The following PCDHA4 variants were observed in gnomAD, a reference collection of about 807,000 sequenced individuals.
PCDHA4 encodes protocadherin alpha 4.
Under a neutral mutation model 61.4 loss-of-function variants are expected in PCDHA4, and 49 were observed. The observed-to-expected ratio is 0.80, with a 90% CI of 0.63 to 1.01. The LOEUF is 1.01. Among genes scored for constraint, PCDHA4 ranks in the 50% least tolerant of loss-of-function variants. The probability of loss-of-function intolerance (pLI) is 0.00; values close to 1 mark genes in which losing one functional copy is unlikely to be tolerated. For missense variants in PCDHA4, 1,254 were observed against 1,235.8 expected (o/e 1.01, Z -0.22); for synonymous variants, 590 against 550.3 (o/e 1.07, Z -1.01).
At chr5:140,955,381 T>TG (rs782287731) in intron 1 of PCDHA4, among the ~76,000 whole-genome samples, 4 of 152,136 alleles carry the variant, frequency 2.6e-5, no homozygotes, top group Non-Finnish European at 5.9e-5. Context: ...AATTGAATCA[T>TG]GGGGGCAATT....
chr5:140,885,925 T>A lies in PCDHA4; in HGVS notation c.2385+76353T>A, dbSNP rs1431219397. The stretch of plus-strand genomic sequence containing the variant: ...CTGTACCTTATAGATATTAACTGTT[T>A]ATCTATTTTTTGACATTTTTAATTA... On this transcript the variant is annotated intron_variant, in intron 1 of 3. Coordinates refer to ENST00000530339, the MANE Select transcript of PCDHA4 (RefSeq NM_018907.4). 2.0e-5 allele frequency among the ~76,000 whole-genome samples: 3 copies of A among 151,896 alleles called. No homozygotes were observed. In the East Asian group the frequency reaches 5.8e-4, roughly 29 times the overall value.
chr5:140,912,445 A>C (rs1165607499), intron 1 of PCDHA4, among the ~76,000 whole-genome samples: 1 of 151,772 alleles, frequency 6.6e-6, no homozygotes, highest in African/African-American at 2.4e-5. Flanking sequence ...ATTTGTGTGC[A>C]TTGATTTTGT....
At chr5:140,836,089 G>T in intron 1 of PCDHA4, 1 of 1,613,682 alleles carries the variant, frequency 6.2e-7, no homozygotes. Context: ...CTGGCGCCTC[G>T]GGTGGGTGGC....
intron 1 of PCDHA4, chr5:140,857,477 T>A (rs1562523780): frequency 1.3e-6 from 2 of 1,598,544 alleles, no homozygotes; most frequent in Admixed American, 1.7e-5. Context: ...CTTCACGGTG[T>A]CTGCGTGGGA....
chr5:140,961,970 G>A (rs1282918892), intron 1 of PCDHA4, among the ~76,000 whole-genome samples: 1 of 150,888 alleles, frequency 6.6e-6, no homozygotes, highest in Non-Finnish European at 1.5e-5. Flanking sequence ...TGCAACCTCC[G>A]CCTCCTGGGT....
intron 1 of PCDHA4, chr5:140,836,007 G>C: frequency 1.9e-6 from 3 of 1,613,296 alleles, no homozygotes; most frequent in Non-Finnish European, 2.5e-6. Context: ...CGATGCGGGC[G>C]TGCCGCCTCT....
intron 1 of PCDHA4, chr5:140,851,226 A>G (rs2041995732): frequency 3.5e-6 from 4 of 1,139,724 alleles, no homozygotes; most frequent in Non-Finnish European, 4.5e-6. Context: ...CATCACTATC[A>G]TTTATTTATT....
chr5:140,966,678 C>T, intron 1 of PCDHA4: 5 of 1,313,350 alleles, frequency 3.8e-6, no homozygotes, highest in South Asian at 3.6e-5. Context: ...CAGGGTGGCA[C>T]GAGCGGAGGC....
At position 141,009,997 on chromosome 5, in the gene PCDHA4, A is replaced by C; in HGVS notation, c.*60A>C. 1 of 1,576,442 alleles carries C rather than the reference A, an allele frequency of 6.3e-7. No individual in the cohort carries two copies. The highest frequency in any genetic ancestry group is 2.2e-5 in the East Asian group (1 of 44,650). On this transcript the variant is annotated 3_prime_UTR_variant, in exon 4 of 4. Transcript: ENST00000530339. ...TTTGTAATAATGGCAAATCTCTCCC[A>C]TGTAGCAATTCCCTGCTCCTTTTTC...
At chr5:140,941,194 T>TCTTC (rs781904538) in intron 1 of PCDHA4, among the ~76,000 whole-genome samples, 2 of 112,354 alleles carry the variant, frequency 1.8e-5, no homozygotes, top group Non-Finnish European at 3.8e-5. Context: ...TCTTTTTTTT[T>TCTTC]CTTTCTTCCT....
At chr5:140,836,123 T>C in intron 1 of PCDHA4, 1 of 1,613,656 alleles carries the variant, frequency 6.2e-7, no homozygotes, top group Non-Finnish European at 8.5e-7. Flanking sequence ...TGAGAGAGCT[T>C]GTGCCGCGGT....
intron 1 of PCDHA4, chr5:140,928,753 G>A (rs782483181): frequency 1.2e-6 from 2 of 1,614,142 alleles, no homozygotes; most frequent in Non-Finnish European, 8.5e-7. Flanking sequence ...GCTCCGTACT[G>A]CTCGCTTAGT....
rs2150347171 is a variant in PCDHA4, at chr5:140,842,877, C to T, written c.2385+33305C>T. On this transcript the variant is annotated intron_variant, in intron 1 of 3. Coordinates refer to ENST00000530339, the MANE Select transcript of PCDHA4 (RefSeq NM_018907.4). Reference sequence around the variant, plus strand: ...CACACGGAGAGCGGCAAGGTGTACGCGCTGCAGCCGCTGGACCACGAGGAG... The same window carrying T: ...CACACGGAGAGCGGCAAGGTGTACGTGCTGCAGCCGCTGGACCACGAGGAG... 18 of 1,593,980 alleles carry T rather than the reference C, an allele frequency of 1.1e-5. 2 individuals carry two copies. Among genetic ancestry groups the T allele is most frequent in the Non-Finnish European group, 1.5e-5 (18 of 1,165,432 alleles).
intron 1 of PCDHA4, among the ~76,000 whole-genome samples, chr5:140,945,375 C>T (rs1414758644): frequency 1.3e-4 from 20 of 152,006 alleles, no homozygotes; most frequent in African/African-American, 3.9e-4. Context: ...GTCCATATTA[C>T]CCAAAGCAAT....
At chr5:140,952,389 ACT>A (rs2094739055) in intron 1 of PCDHA4, among the ~76,000 whole-genome samples, 2 of 151,722 alleles carry the variant, frequency 1.3e-5, no homozygotes, top group African/African-American at 4.8e-5. Flanking sequence ...GGTACCCTAA[ACT>A]CATCATTCTC....
intron 3 of PCDHA4, among the ~76,000 whole-genome samples, chr5:141,000,393 C>CTATA (rs1563650230): frequency 1.3e-4 from 7 of 52,858 alleles, no homozygotes; most frequent in Admixed American, 2.8e-4. Context: ...CTCTCTCTCT[C>CTATA]TCTATATATA....
chr5:140,884,410 G>T, intron 1 of PCDHA4: 1 of 1,614,008 alleles, frequency 6.2e-7, no homozygotes, highest in South Asian at 1.1e-5. Context: ...TGGTGCTCAC[G>T]TTGCTGCTGT....
intron 1 of PCDHA4, chr5:140,875,337 A>C (rs2055422229): frequency 1.6e-5 from 23 of 1,440,366 alleles, no homozygotes; most frequent in Non-Finnish European, 1.7e-5. Context: ...AATAGGATCG[A>C]CTCCATAATG....
chr5:140,956,904 G>A lies in PCDHA4; in HGVS notation c.2386-22045G>A, dbSNP rs182022057. ...TATCAATGAATGAATATTCTTAAAT[G>A]TATAAACTTTAATCTTGCTGGATAT... On this transcript the variant is annotated intron_variant, in intron 1 of 3. Transcript: ENST00000530339. Among the ~76,000 whole-genome samples, 178 of 152,232 alleles carry A rather than the reference G, an allele frequency of 1.2e-3. 1 individual carries two copies. Among genetic ancestry groups the A allele is most frequent in the African/African-American group, 3.9e-3 (163 of 41,538 alleles).
Sources: allele counts gnomAD v4.1 joint callset (sites outside exome capture counted in the v4.1 genomes callset), GRCh38; gene constraint gnomAD v4.1.1; transcripts MANE v1.5; gene names NCBI Gene and HGNC (gene_info 2026-07-23, HGNC 2026-07-21).